The following WASL variants were observed in gnomAD, a reference collection of about 807,000 sequenced individuals.
WASL encodes actin nucleation-promoting factor WASL.
In WASL, 20 loss-of-function variants were observed where a neutral mutation model predicts 55.5. That is an observed-to-expected ratio of 0.36 (90% CI 0.25 to 0.52). WASL has a LOEUF of 0.52. WASL is among the 20% of genes least tolerant of loss of function. The pLI, the probability that WASL is intolerant of heterozygous loss-of-function variation, is 0.92. For missense variants in WASL, 504 were observed against 622.5 expected (o/e 0.81, Z 2.03); for synonymous variants, 249 against 217.6 (o/e 1.14, Z -1.27).
chr7:123,689,170 A>G lies in WASL; in HGVS notation c.1348-20T>C, dbSNP rs769731090. On this transcript the variant is annotated intron_variant, in intron 9 of 10. Transcript: ENST00000223023. ...AGCCACCTTGGAAAAGAAAGTTAGC[A>G]AAACTCAGTAATAAATCTTTAGCCA... 1.9e-6 allele frequency: 3 copies of G among 1,591,392 alleles called. No homozygotes were observed. The African/African-American group carries it at 4.0e-5, about 21-fold the overall frequency.
intron 1 of WASL, among the ~76,000 whole-genome samples, chr7:123,738,262 ATAT>A (rs1462583596): frequency 2.0e-5 from 3 of 152,166 alleles, no homozygotes; most frequent in Admixed American, 2.0e-4. Flanking sequence ...ATATTTATAT[ATAT>A]TAATAAAAGT....
chr7:123,746,984 G>A (rs1402274282), intron 1 of WASL, among the ~76,000 whole-genome samples: 1 of 152,304 alleles, frequency 6.6e-6, no homozygotes, highest in East Asian at 1.9e-4. Flanking sequence ...TCAAAGTGCT[G>A]AAGATTTTCC....
intron 1 of WASL, among the ~76,000 whole-genome samples, chr7:123,713,272 C>G (rs1210773322): frequency 6.6e-6 from 1 of 152,104 alleles, no homozygotes; most frequent in African/African-American, 2.4e-5. Context: ...CCTCACTCAG[C>G]CTTCTGAGTA....
At chr7:123,746,959 G>A (rs1220369277) in intron 1 of WASL, among the ~76,000 whole-genome samples, 1 of 152,132 alleles carries the variant, frequency 6.6e-6, no homozygotes, top group Non-Finnish European at 1.5e-5. Flanking sequence ...TTTTTTCATT[G>A]GAGGTAACTA....
intron 8 of WASL, among the ~76,000 whole-genome samples, chr7:123,693,984 A>C (rs1432148863): frequency 4.6e-5 from 7 of 152,234 alleles, no homozygotes; most frequent in Non-Finnish European, 8.8e-5. Flanking sequence ...GCAATGAAAA[A>C]GACATAAGTA....
At position 123,720,344 on chromosome 7, in the gene WASL, CAAA is replaced by C. The variant is rs11377481; in HGVS notation, c.118-11124_118-11122del. 2,161 of 346,904 alleles carry C rather than the reference CAAA, an allele frequency of 6.2e-3. 9 individuals carry two copies. Among genetic ancestry groups the C allele is most frequent in the African/African-American group, 0.024 (887 of 36,312 alleles). The allele number at this position is 346,904 out of a possible 1,614,324, so 21.5% of individuals were successfully genotyped here. ...ATACAAATAGGATACCATACAGCTG[CAAA>C]AAAAAAAAAAAAAAGTTGTTATTCA... On this transcript the variant is annotated intron_variant, in intron 1 of 10. Transcript: ENST00000223023.
At chr7:123,688,178 T>C (rs1238633429) in intron 10 of WASL, among the ~76,000 whole-genome samples, 1 of 152,216 alleles carries the variant, frequency 6.6e-6, no homozygotes, top group Non-Finnish European at 1.5e-5. Flanking sequence ...GGTATGTATA[T>C]GTTTAATAAT....
intron 1 of WASL, among the ~76,000 whole-genome samples, chr7:123,718,294 T>G (rs773146023): frequency 3.9e-5 from 6 of 152,214 alleles, no homozygotes; most frequent in Non-Finnish European, 8.8e-5. Flanking sequence ...GGATTAGCCT[T>G]GCTTGGGGTG....
At chr7:123,742,771 C>T (rs1186847348) in intron 1 of WASL, among the ~76,000 whole-genome samples, 2 of 152,066 alleles carry the variant, frequency 1.3e-5, no homozygotes, top group Non-Finnish European at 1.5e-5. Context: ...AAGTGAAATG[C>T]CTATTAAATT....
At chr7:123,708,818 C>T (rs1803711627) in intron 2 of WASL, among the ~76,000 whole-genome samples, 1 of 150,756 alleles carries the variant, frequency 6.6e-6, no homozygotes, top group South Asian at 2.1e-4. Context: ...AGCCCAAGAA[C>T]CAACAGGCAT....
intron 2 of WASL, 139 bp from the exon 3 acceptor site, chr7:123,706,965 TATAA>T (rs1223618528): frequency 1.3e-5 from 6 of 449,660 alleles, no homozygotes; most frequent in African/African-American, 4.1e-5. Context: ...ATTTATAATA[TATAA>T]ATAGTGTCAC....
At chr7:123,708,756 T>A (rs891941958) in intron 2 of WASL, among the ~76,000 whole-genome samples, 1 of 150,660 alleles carries the variant, frequency 6.6e-6, no homozygotes, top group East Asian at 1.9e-4. Context: ...TATTCTATAA[T>A]GAACCAGGTG....
chr7:123,707,929 T>G (rs1254769024), intron 2 of WASL, among the ~76,000 whole-genome samples: 2 of 152,192 alleles, frequency 1.3e-5, no homozygotes, highest in Admixed American at 1.3e-4. Context: ...CTCAGGCCTG[T>G]AATCCCAGCA....
chr7:123,743,774 A>G (rs1429243635), intron 1 of WASL, among the ~76,000 whole-genome samples: 1 of 152,186 alleles, frequency 6.6e-6, no homozygotes, highest in Non-Finnish European at 1.5e-5. Context: ...GACTAAGCCC[A>G]TTTTACAAAT....
chr7:123,716,005 G>A (rs1180106927), intron 1 of WASL, among the ~76,000 whole-genome samples: 2 of 152,090 alleles, frequency 1.3e-5, no homozygotes, highest in African/African-American at 4.8e-5. Context: ...CAGCTCATAG[G>A]TGCGGCTGGT....
chr7:123,724,590 A>G (rs537677302), intron 1 of WASL, among the ~76,000 whole-genome samples: 1 of 152,220 alleles, frequency 6.6e-6, no homozygotes, highest in South Asian at 2.1e-4. Context: ...AACTGTTATT[A>G]CCTTTAGCCT....
intron 1 of WASL, among the ~76,000 whole-genome samples, chr7:123,727,525 CAT>C (rs1804071467): frequency 6.6e-6 from 1 of 152,012 alleles, no homozygotes; most frequent in Non-Finnish European, 1.5e-5. Flanking sequence ...AAAGAATGAA[CAT>C]GTGTACAATA....
chr7:123,735,278 G>A (rs1423769170), intron 1 of WASL, among the ~76,000 whole-genome samples: 1 of 149,668 alleles, frequency 6.7e-6, no homozygotes, highest in Non-Finnish European at 1.5e-5. Context: ...TGACTTCATG[G>A]AAAAAAAATA....
At chr7:123,720,112 T>C (rs1803915881) in intron 1 of WASL, among the ~76,000 whole-genome samples, 3 of 152,208 alleles carry the variant, frequency 2.0e-5, no homozygotes, top group Admixed American at 6.5e-5. Context: ...CAGTTTATCA[T>C]ATAAGAATTA....
Sources: allele counts gnomAD v4.1 joint callset (sites outside exome capture counted in the v4.1 genomes callset), GRCh38; gene constraint gnomAD v4.1.1; transcripts MANE v1.5; gene names NCBI Gene and HGNC (gene_info 2026-07-23, HGNC 2026-07-21).